TACC2: variants seen among roughly 807,000 people sequenced by gnomAD.
TACC2 encodes transforming acidic coiled-coil containing protein 2.
TACC2 carries 137 observed loss-of-function variants against 227.3 expected under a neutral mutation model. That is an observed-to-expected ratio of 0.60 (90% confidence interval 0.52 to 0.69). The LOEUF (loss-of-function observed/expected upper bound fraction) is 0.69. Ranked by LOEUF, TACC2 falls within the 30% of genes least tolerant of loss-of-function variation. TACC2 has a pLI of 0.00. For missense variants in TACC2, 3,470 were observed against 3,694.4 expected, an observed-to-expected ratio of 0.94 and a Z score of 1.57; for synonymous variants, 1,523 against 1,487.5, an observed-to-expected ratio of 1.02 and a Z score of -0.55.
intron 7 of TACC2, among the ~76,000 whole-genome samples, chr10:122,175,369 G>A (rs1209978918): frequency 6.6e-6 from 1 of 152,170 alleles, no homozygotes; most frequent in Non-Finnish European, 1.5e-5. Flanking sequence ...TGGTTAATAT[G>A]GGAAAGGATA....
rs571562833 is a variant in TACC2, at chr10:122,070,062, G to T, written c.147-12585G>T. On this transcript the variant is annotated intron_variant, in intron 3 of 22. Transcript: ENST00000369005. ...CAGTTTAGATTAATGGGATTACAGA[G>T]AGACGATCTCAACAAAATAGACTGG... Among the ~76,000 whole-genome samples the T allele has an allele frequency of 8.5e-5, 13 of 152,326 alleles. No homozygotes were observed. In the South Asian group the frequency reaches 2.3e-3, roughly 27 times the overall value.
chr10:122,195,241 A>G, intron 8 of TACC2, 65 bp downstream of exon 8: 1 of 1,442,854 alleles, frequency 6.9e-7, no homozygotes, highest in Non-Finnish European at 9.4e-7. Flanking sequence ...GGAGATTTGC[A>G]GCAGTTCCTC....
intron 1 of TACC2, among the ~76,000 whole-genome samples, chr10:121,992,790 A>G (rs1352315659): frequency 1.3e-5 from 2 of 152,078 alleles, no homozygotes; most frequent in Admixed American, 1.3e-4. Context: ...CCCCGTCTCT[A>G]CTAAAATACA....
chr10:122,100,960 C>A (rs533128536), intron 5 of TACC2, among the ~76,000 whole-genome samples: 9 of 152,252 alleles, frequency 5.9e-5, no homozygotes, highest in Admixed American at 3.3e-4. Context: ...CTCAGACAAA[C>A]GTTGTTCTGT....
rs956566613 is a variant in TACC2 at position 122,083,304 on chromosome 10, G to A, written c.804G>A (p.Lys268=). The change falls in exon 4 of 23, where the codon AAG becomes AAA. Residue 268 remains lysine (K), a synonymous_variant. Transcript: ENST00000369005. ...CAGAAAGCTCAGCGGTCTTGGAGAA[G>A]TCCCCCCTAAAACCCATGGCCCCGA... The part of the protein sequence containing the change: ...QGTESSAVLE[K]SPLKPMAPIP... 1 of 1,613,838 alleles carries A rather than the reference G, an allele frequency of 6.2e-7. No individual in the cohort carries two copies. The highest frequency in any genetic ancestry group is 1.3e-5 in the African/African-American group (1 of 74,900).
chr10:122,102,681 A>G (rs886617525), intron 5 of TACC2, among the ~76,000 whole-genome samples: 8 of 152,196 alleles, frequency 5.3e-5, no homozygotes, highest in African/African-American at 1.9e-4. Context: ...GAGCCTGGCC[A>G]GGTACATTTG....
At chr10:121,996,590 TTTC>T (rs1349540523) in intron 1 of TACC2, among the ~76,000 whole-genome samples, 5 of 152,182 alleles carry the variant, frequency 3.3e-5, no homozygotes, top group African/African-American at 1.2e-4. Flanking sequence ...ACAAGATTCA[TTTC>T]TTCATTTCAT....
At chr10:122,134,348 A>T (rs1260043406) in intron 6 of TACC2, among the ~76,000 whole-genome samples, 2 of 150,034 alleles carry the variant, frequency 1.3e-5, no homozygotes, top group African/African-American at 4.9e-5. Context: ...ATTTTCTTGT[A>T]TTTTTTTTTA....
intron 5 of TACC2, among the ~76,000 whole-genome samples, chr10:122,111,841 C>T (rs2083669695): frequency 6.6e-6 from 1 of 152,106 alleles, no homozygotes; most frequent in South Asian, 2.1e-4. Context: ...TACATTTAAA[C>T]TAGCCTATTT....
intron 2 of TACC2, among the ~76,000 whole-genome samples, chr10:122,042,070 C>A (rs372796014): frequency 2.6e-5 from 4 of 152,130 alleles, no homozygotes; most frequent in African/African-American, 9.7e-5. Flanking sequence ...CTCAGCCTCC[C>A]GAGTAGCTGG....
chr10:122,072,245 G>A (rs956472811), intron 3 of TACC2, among the ~76,000 whole-genome samples: 3 of 152,050 alleles, frequency 2.0e-5, no homozygotes, highest in Admixed American at 6.5e-5. Context: ...GTGAGCCACC[G>A]TGCCCAGCTC....
chr10:122,175,509 C>T (rs930562199), intron 7 of TACC2, among the ~76,000 whole-genome samples: 7 of 152,146 alleles, frequency 4.6e-5, no homozygotes, highest in Non-Finnish European at 7.3e-5. Flanking sequence ...GTGCTCACTC[C>T]TTGGGTTCAC....
At chr10:122,174,845 AC>A (rs1442224844) in intron 7 of TACC2, among the ~76,000 whole-genome samples, 10 of 152,298 alleles carry the variant, frequency 6.6e-5, no homozygotes, top group African/African-American at 2.2e-4. Context: ...TGTGCCTTTG[AC>A]CAACATCTCT....
intron 3 of TACC2, among the ~76,000 whole-genome samples, chr10:122,053,213 G>A (rs914346702): frequency 1.3e-5 from 2 of 152,152 alleles, no homozygotes; most frequent in African/African-American, 2.4e-5. Flanking sequence ...TCACAATCAC[G>A]GTGGAAGGCA....
intron 5 of TACC2, among the ~76,000 whole-genome samples, chr10:122,123,598 C>T (rs947589064): frequency 2.6e-5 from 4 of 152,106 alleles, no homozygotes; most frequent in Non-Finnish European, 4.4e-5. Context: ...CTGGTCAGTT[C>T]GGTCATGCCC....
intron 13 of TACC2, 119 bp downstream of exon 13, chr10:122,226,600 AC>A: frequency 1.5e-6 from 1 of 679,370 alleles, no homozygotes; most frequent in Non-Finnish European, 2.4e-6. Context: ...CTGACATGCC[AC>A]ATATTTTTTT....
intron 11 of TACC2, among the ~76,000 whole-genome samples, chr10:122,217,929 C>T (rs1019822002): frequency 2.6e-5 from 4 of 151,972 alleles, no homozygotes; most frequent in African/African-American, 4.8e-5. Context: ...GTTTTCCTTT[C>T]TCGATTTCTA....
At chr10:122,015,781 G>GC (rs1554961896) in intron 1 of TACC2, among the ~76,000 whole-genome samples, 3 of 58,038 alleles carry the variant, frequency 5.2e-5, no homozygotes, top group African/African-American at 1.1e-4. Flanking sequence ...GAACCCGGGA[G>GC]GGGGAGGTTG....
chr10:122,226,394 C>A lies in TACC2; in HGVS notation c.7637C>A (p.Ala2546Asp). 1 of 1,614,052 alleles carries A rather than the reference C, an allele frequency of 6.2e-7. No homozygotes were observed. The change falls in exon 13 of 23, where the codon GCC becomes GAC. Residue 2546 changes from alanine (A) to aspartate (D), a missense_variant. Physicochemically the swap from Ala to Asp is moderately radical, Grantham distance 126 (BLOSUM62 -2). This residue lies in a region of TACC2 where 345 missense variants were observed against 354.4 expected (regional missense o/e 0.97). Transcript: ENST00000369005. ...PQDDDAPKKQ[A>D]LYLMFDTSQE... is the part of the protein sequence containing the mutation. ...GACGACGATGCCCCGAAGAAGCAGG[C>A]CTTGTACCTTATGTTTGACACTTCT...
Sources: gnomAD v4.1 joint callset for allele counts (sites outside exome capture counted in the v4.1 genomes callset) on GRCh38, gnomAD v4.1.1 for gene constraint, gnomAD v4.1.1 regional missense constraint, MANE v1.5 for transcripts, NCBI Gene and HGNC (gene_info 2026-07-23, HGNC 2026-07-21) for gene names.